The following MTMR12 variants were observed in gnomAD, a reference collection of about 807,000 sequenced individuals.
The protein encoded by MTMR12 is myotubularin-related protein 12.
Under a neutral mutation model 96.7 loss-of-function variants are expected in MTMR12, and 33 were observed. The observed-to-expected ratio is 0.34, with a 90% CI of 0.26 to 0.46. The LOEUF is 0.46. Ranked by LOEUF, MTMR12 falls within the 20% of genes least tolerant of loss-of-function variation. The pLI, the probability that MTMR12 is intolerant of heterozygous loss-of-function variation, is 1.00. For missense variants in MTMR12, 721 were observed against 896.1 expected (o/e 0.80, Z 2.49); for synonymous variants, 298 against 327.2 (o/e 0.91, Z 0.96).
intron 8 of MTMR12, among the ~76,000 whole-genome samples, chr5:32,250,834 C>A (rs780018631): frequency 6.6e-6 from 1 of 152,030 alleles, no homozygotes; most frequent in African/African-American, 2.4e-5. Flanking sequence ...CTATTCTCTG[C>A]GTGAAACAGT....
At chr5:32,307,346 G>A (rs1023025608) in intron 1 of MTMR12, among the ~76,000 whole-genome samples, 6 of 152,092 alleles carry the variant, frequency 3.9e-5, no homozygotes, top group Non-Finnish European at 8.8e-5. Flanking sequence ...GCACCCAGCA[G>A]GTCCCCCGAC....
At chr5:32,292,758 G>T (rs561343334) in intron 1 of MTMR12, among the ~76,000 whole-genome samples, 346 of 121,078 alleles carry the variant, frequency 2.9e-3, no homozygotes, top group African/African-American at 0.011. Flanking sequence ...ACTCCACTAG[G>T]GAAAAAAAAC....
At chr5:32,263,027 C>G in intron 7 of MTMR12, 86 bp downstream of exon 7, 1 of 1,513,624 alleles carries the variant, frequency 6.6e-7, no homozygotes, top group Non-Finnish European at 9.0e-7. Context: ...GTGGTGATGA[C>G]TGCACAACCC....
chr5:32,263,130 G>A lies in MTMR12; in HGVS notation c.696C>T (p.Gly232=), dbSNP rs779222090. 9 of 1,614,064 alleles carry A rather than the reference G, an allele frequency of 5.6e-6. No individual in the cohort carries two copies. The highest frequency in any genetic ancestry group is 7.6e-6 in the Non-Finnish European group (9 of 1,180,042). Residue 232 remains glycine (G), a synonymous_variant, in exon 7 of 16, where the codon GGC becomes GGT. Coordinates refer to ENST00000382142, the MANE Select transcript of MTMR12 (RefSeq NM_001040446.3). ...MKYKAVSVNE[G]YKVCERLPAY... is the part of the protein sequence containing the mutation. ...AAGCTTACCTCTCACAGACTTTATA[G>A]CCTTCGTTGACACTCACTGCTTTGT...
chr5:32,286,981 G>A (rs1390350051), intron 1 of MTMR12, among the ~76,000 whole-genome samples: 2 of 152,182 alleles, frequency 1.3e-5, no homozygotes, highest in Non-Finnish European at 2.9e-5. Flanking sequence ...GAACACAGGA[G>A]TCTGACAGCC....
At position 32,239,912 on chromosome 5, in the gene MTMR12, T is replaced by C. The variant is rs148388783; in HGVS notation, c.1172-739A>G. Among the ~76,000 whole-genome samples the C allele has an allele frequency of 2.0e-5, 3 of 152,302 alleles. No individual in the cohort carries two copies. The East Asian group carries it at 5.8e-4, about 29-fold the overall frequency. ...ATGAAAAGTCCACTCACATACTTGTTTAACATTCATGACTTAGAGCAAAAG... is the reference window on the plus strand; with the variant it reads ...ATGAAAAGTCCACTCACATACTTGTCTAACATTCATGACTTAGAGCAAAAG... On this transcript the variant is annotated intron_variant, in intron 12 of 15. Coordinates refer to ENST00000382142, the MANE Select transcript of MTMR12 (RefSeq NM_001040446.3).
intron 6 of MTMR12, among the ~76,000 whole-genome samples, chr5:32,267,131 C>G (rs537907830): frequency 5.3e-4 from 80 of 151,106 alleles, no homozygotes; most frequent in Non-Finnish European, 1.0e-3. Flanking sequence ...AATCCCATCA[C>G]TTTGGGAGGC....
intron 8 of MTMR12, 109 bp downstream of exon 8, chr5:32,255,584 G>T: frequency 9.9e-7 from 1 of 1,011,524 alleles, no homozygotes; most frequent in Middle Eastern, 2.1e-4. Context: ...GATTGTTCTT[G>T]GACTGAAAAC....
intron 1 of MTMR12, among the ~76,000 whole-genome samples, chr5:32,308,878 C>T (rs1371751011): frequency 6.6e-6 from 1 of 152,244 alleles, no homozygotes; most frequent in Non-Finnish European, 1.5e-5. Context: ...GCTGGGATTA[C>T]AGGCGTGAGC....
chr5:32,251,575 G>A (rs929842231), intron 8 of MTMR12, among the ~76,000 whole-genome samples: 3 of 152,194 alleles, frequency 2.0e-5, no homozygotes, highest in Non-Finnish European at 2.9e-5. Context: ...GTTACAAGAA[G>A]AAATGGTAGA....
intron 1 of MTMR12, among the ~76,000 whole-genome samples, chr5:32,288,139 CTT>C (rs1750612813): frequency 6.6e-6 from 1 of 152,168 alleles, no homozygotes; most frequent in Admixed American, 6.6e-5. Flanking sequence ...CGCCAGGTGT[CTT>C]TTGTTAAAGT....
At chr5:32,298,952 CAA>C (rs766708610) in intron 1 of MTMR12, among the ~76,000 whole-genome samples, 12 of 54,630 alleles carry the variant, frequency 2.2e-4, no homozygotes, top group Admixed American at 8.1e-4. Flanking sequence ...GACTCCATCT[CAA>C]AAAAAAAAAA....
chr5:32,289,622 A>G (rs1750670943), intron 1 of MTMR12, among the ~76,000 whole-genome samples: 1 of 152,226 alleles, frequency 6.6e-6, no homozygotes, highest in East Asian at 1.9e-4. Flanking sequence ...GTAGGGGCTT[A>G]TGGAGGTCAG....
At chr5:32,295,758 A>G (rs1200369267) in intron 1 of MTMR12, among the ~76,000 whole-genome samples, 10 of 152,234 alleles carry the variant, frequency 6.6e-5, no homozygotes, top group Non-Finnish European at 1.5e-5. Context: ...GGTTTAAATA[A>G]TAAACCCAGG....
intron 5 of MTMR12, among the ~76,000 whole-genome samples, chr5:32,269,660 G>A (rs1749756051): frequency 6.6e-6 from 1 of 152,098 alleles, no homozygotes; most frequent in Non-Finnish European, 1.5e-5. Flanking sequence ...TTAAAACATA[G>A]TCTAATTTCT....
At position 32,229,750 on chromosome 5, in the gene MTMR12, CCT is replaced by C; in HGVS notation, c.*26_*27del. 6.7e-7 allele frequency: 1 copy of C among 1,493,920 alleles called. No individual in the cohort carries two copies. Among genetic ancestry groups the C allele is most frequent in the Non-Finnish European group, 8.9e-7 (1 of 1,120,690 alleles). 92.5% of individuals were successfully genotyped at this position (1,493,920 alleles called of 1,614,324 possible). A position where few individuals can be genotyped will look rare whatever the true frequency, so the allele number is the denominator to read the frequency against. On this transcript the variant is annotated 3_prime_UTR_variant, in exon 16 of 16. Transcript: ENST00000382142. ...ATCAGCTGTCCCAATCTCCCACATT[CCT>C]CTTTCACAATCACTCAACAAACAGG...
rs549727876 is a variant in MTMR12, at chr5:32,229,956, T to C, written c.2066A>G (p.Gln689Arg). 108 of 1,612,256 alleles carry C rather than the reference T, an allele frequency of 6.7e-5. 2 individuals are homozygous for C. In the East Asian group the frequency reaches 2.3e-3, roughly 34 times the overall value. Residue 689 changes from glutamine to arginine, a missense_variant, in exon 16 of 16, where the codon CAG (glutamine) becomes CGG (arginine). Gln to Arg is a conservative substitution (Grantham distance 43). Transcript: ENST00000382142. ...DERHHSQQAP[Q>R]AEAPCLLRNS... Reference sequence around the variant, plus strand: ...CCTCAGCAGGCAGGGGGCCTCAGCCTGGGGGGCCTGCTGGCTGTGGTGTCT... The same window carrying C: ...CCTCAGCAGGCAGGGGGCCTCAGCCCGGGGGGCCTGCTGGCTGTGGTGTCT...
chr5:32,303,376 G>A (rs1017728161), intron 1 of MTMR12, among the ~76,000 whole-genome samples: 3 of 152,040 alleles, frequency 2.0e-5, no homozygotes, highest in Non-Finnish European at 4.4e-5. Flanking sequence ...GAAGGGTGAG[G>A]CCCTGAGGCC....
rs1747869404 is a variant in MTMR12, at chr5:32,228,696, T to G, written c.*1082A>C. ...AGAAGGTGACCAGGCATAGTCAAGT[T>G]TCTTCTATGGCTTTTAAAATCACTG... On this transcript the variant is annotated 3_prime_UTR_variant, in exon 16 of 16. Transcript: ENST00000382142. 1 of 150,150 alleles carries G rather than the reference T, an allele frequency of 6.7e-6. No homozygotes were observed. Among genetic ancestry groups the G allele is most frequent in the African/African-American group, 2.5e-5 (1 of 40,674 alleles). The allele number at this position is 150,150 out of a possible 1,614,324, so 9.3% of individuals were successfully genotyped here. A position where few individuals can be genotyped will look rare whatever the true frequency, so the allele number is the denominator to read the frequency against.
Sources: allele counts gnomAD v4.1 joint callset (sites outside exome capture counted in the v4.1 genomes callset), GRCh38; gene constraint gnomAD v4.1.1; transcripts MANE v1.5; gene names NCBI Gene and HGNC (gene_info 2026-07-23, HGNC 2026-07-21).